The following DLGAP1 variants were observed in gnomAD, a reference collection of about 807,000 sequenced individuals.
DLGAP1 encodes disks large-associated protein 1.
Under a neutral mutation model 90.8 loss-of-function variants are expected in DLGAP1, and 11 were observed. The observed-to-expected ratio is 0.12, with a 90% CI of 0.08 to 0.20. The LOEUF (loss-of-function observed/expected upper bound fraction) is 0.20, where lower values mean the gene tolerates loss of function less well. Ranked by LOEUF, DLGAP1 falls within the 10% of genes least tolerant of loss-of-function variation. The pLI, the probability that DLGAP1 is intolerant of heterozygous loss-of-function variation, is 1.00. For missense variants in DLGAP1, 1,050 were observed against 1,333.8 expected, an observed-to-expected ratio of 0.79 and a Z score of 3.31; for synonymous variants, 558 against 540.7, an observed-to-expected ratio of 1.03 and a Z score of -0.44.
chr18:4,211,773 T>C (rs1186867900), intron 1 of DLGAP1, among the ~76,000 whole-genome samples: 1 of 152,140 alleles, frequency 6.6e-6, no homozygotes, highest in Non-Finnish European at 1.5e-5. Context: ...GTAAAATGAA[T>C]GAATCACTAC....
chr18:4,425,064 C>CG lies in DLGAP1; in HGVS notation c.-267+29941dup. 1.8e-5 allele frequency among the ~76,000 whole-genome samples: 2 copies of CG among 108,874 alleles called. 1 individual carries two copies. Among genetic ancestry groups the CG allele is most frequent in the Admixed American group, 2.7e-4 (2 of 7,516 alleles). The allele number at this position is 108,874 out of a possible 152,430, so 71.4% of individuals were successfully genotyped here. A position where few individuals can be genotyped will look rare whatever the true frequency, so the allele number is the denominator to read the frequency against. On this transcript the variant is annotated intron_variant, in intron 1 of 12. Transcript: ENST00000315677. ...CATAACCACGCATTCCTTGGTGGGGCGGGGGGCGGGGCGCTAAAATTTGAT... is the reference window on the plus strand; with the variant it reads ...CATAACCACGCATTCCTTGGTGGGGCGGGGGGGCGGGGCGCTAAAATTTGAT...
At chr18:4,381,492 T>C (rs1049884690) in intron 1 of DLGAP1, among the ~76,000 whole-genome samples, 1 of 149,000 alleles carries the variant, frequency 6.7e-6, no homozygotes, top group Admixed American at 6.8e-5. Flanking sequence ...TAGATGGGTA[T>C]CACTAATTAT....
chr18:3,874,806 GA>G (rs1056025103), intron 4 of DLGAP1: 25 of 1,358,868 alleles, frequency 1.8e-5, no homozygotes, highest in South Asian at 8.5e-5. Flanking sequence ...AACAATATTG[GA>G]AAAAAAAGGA....
chr18:3,505,251 A>G (rs1049845233), intron 11 of DLGAP1, among the ~76,000 whole-genome samples: 3 of 152,096 alleles, frequency 2.0e-5, no homozygotes, highest in African/African-American at 7.2e-5. Flanking sequence ...ATAGACTGGG[A>G]TTTGAATCTT....
intron 1 of DLGAP1, among the ~76,000 whole-genome samples, chr18:4,417,087 G>A (rs970221163): frequency 6.6e-6 from 1 of 152,072 alleles, no homozygotes; most frequent in Non-Finnish European, 1.5e-5. Context: ...AACTATTTTT[G>A]TAATATTACT....
At chr18:4,195,735 T>G (rs2077485495) in intron 1 of DLGAP1, among the ~76,000 whole-genome samples, 1 of 152,104 alleles carries the variant, frequency 6.6e-6, no homozygotes. Context: ...GTATTTTTAG[T>G]AGAGACAGTG....
chr18:4,401,886 T>C (rs1223527041), intron 1 of DLGAP1, among the ~76,000 whole-genome samples: 1 of 152,254 alleles, frequency 6.6e-6, no homozygotes, highest in Non-Finnish European at 1.5e-5. Flanking sequence ...AAAATTCCGA[T>C]GACAAAGTTT....
At chr18:3,945,918 G>C (rs2072868808) in intron 3 of DLGAP1, among the ~76,000 whole-genome samples, 1 of 152,126 alleles carries the variant, frequency 6.6e-6, no homozygotes, top group Non-Finnish European at 1.5e-5. Context: ...CCATAATTCA[G>C]AATCTGTCGA....
At chr18:4,076,315 C>A (rs770124613) in intron 2 of DLGAP1, among the ~76,000 whole-genome samples, 3 of 152,154 alleles carry the variant, frequency 2.0e-5, no homozygotes, top group Non-Finnish European at 4.4e-5. Context: ...ATAAAAGCTT[C>A]TTCTACCAAG....
Position 3,747,582 on chromosome 18 carries a change from G to A in DLGAP1, c.1173-5070C>T, listed in dbSNP as rs528746077. ...TTCCAAATGTTATCAGGGCAGTGACGGGAGTGGCTGTTTCATAAATGGTGT... is the reference window on the plus strand; with the variant it reads ...TTCCAAATGTTATCAGGGCAGTGACAGGAGTGGCTGTTTCATAAATGGTGT... On this transcript the variant is annotated intron_variant, in intron 5 of 12. Coordinates refer to ENST00000315677, the MANE Select transcript of DLGAP1 (RefSeq NM_004746.4). Among the ~76,000 whole-genome samples, 6 of 152,260 alleles carry A rather than the reference G, an allele frequency of 3.9e-5. No homozygotes were observed. The East Asian group carries it at 5.8e-4, about 15-fold the overall frequency.
chr18:3,572,512 A>G (rs1291561662), intron 8 of DLGAP1, among the ~76,000 whole-genome samples: 2 of 151,998 alleles, frequency 1.3e-5, no homozygotes, highest in African/African-American at 4.8e-5. Flanking sequence ...CAGTGGCGCA[A>G]TCTAAGCTCA....
intron 1 of DLGAP1, among the ~76,000 whole-genome samples, chr18:4,271,106 T>C (rs2057465506): frequency 6.6e-6 from 1 of 152,156 alleles, no homozygotes; most frequent in Non-Finnish European, 1.5e-5. Flanking sequence ...ATTCTTGACT[T>C]AGAAAGTGGT....
At chr18:3,960,507 G>A (rs777886421) in intron 3 of DLGAP1, among the ~76,000 whole-genome samples, 11 of 152,046 alleles carry the variant, frequency 7.2e-5, no homozygotes, top group Non-Finnish European at 1.3e-4. Context: ...TTGAGGCTGC[G>A]GCTATGATTG....
intron 1 of DLGAP1, among the ~76,000 whole-genome samples, chr18:4,379,803 GA>G (rs2082081038): frequency 6.6e-6 from 1 of 152,074 alleles, no homozygotes; most frequent in Admixed American, 6.6e-5. Context: ...TCACTCAACT[GA>G]AATAAGTAAT....
intron 1 of DLGAP1, among the ~76,000 whole-genome samples, chr18:4,213,144 G>A (rs2077881971): frequency 6.6e-6 from 1 of 152,164 alleles, no homozygotes; most frequent in African/African-American, 2.4e-5. Flanking sequence ...TACAGTCTCT[G>A]CCGTTCCTTG....
At chr18:3,661,688 T>C (rs2059689020) in intron 7 of DLGAP1, among the ~76,000 whole-genome samples, 1 of 151,132 alleles carries the variant, frequency 6.6e-6, no homozygotes, top group African/African-American at 2.4e-5. Context: ...GCAATTCTCA[T>C]GCCTCAGCCT....
At chr18:4,358,884 T>C (rs529389829) in intron 1 of DLGAP1, among the ~76,000 whole-genome samples, 4 of 152,356 alleles carry the variant, frequency 2.6e-5, no homozygotes, top group Admixed American at 2.6e-4. Context: ...GCACTCACTC[T>C]GCCACATTCT....
chr18:4,190,665 C>A (rs533137481), intron 1 of DLGAP1, among the ~76,000 whole-genome samples: 1 of 152,170 alleles, frequency 6.6e-6, no homozygotes, highest in African/African-American at 2.4e-5. Context: ...TACAACTTTT[C>A]TGTAAATCTA....
chr18:4,095,591 G>A (rs752550617), intron 2 of DLGAP1, among the ~76,000 whole-genome samples: 7 of 152,060 alleles, frequency 4.6e-5, no homozygotes, highest in Non-Finnish European at 1.0e-4. Flanking sequence ...ACATCTTCCC[G>A]AGAACATAAG....
Sources: gnomAD v4.1 joint callset for allele counts (sites outside exome capture counted in the v4.1 genomes callset) on GRCh38, gnomAD v4.1.1 for gene constraint, MANE v1.5 for transcripts, NCBI Gene and HGNC (gene_info 2026-07-23, HGNC 2026-07-21) for gene names.